Variants in PCDHA9 observed in about 807,000 individuals in gnomAD.
The protein encoded by PCDHA9 is protocadherin alpha-9.
A neutral mutation model predicts 62.0 loss-of-function variants in PCDHA9; 62 were observed. The ratio of observed to expected loss-of-function variants is 1.00; its 90% CI spans 0.81 to 1.23. PCDHA9 has a LOEUF of 1.23. PCDHA9 is among the 50% of genes most tolerant of loss of function. The pLI is 0.00. For synonymous variants in PCDHA9, 557 were observed against 567.6 expected (o/e 0.98, Z 0.27); for missense variants, 1,205 against 1,249.8 (o/e 0.96, Z 0.54).
At chr5:140,883,959 C>T (rs782366148) in intron 1 of PCDHA9, 4 of 1,613,092 alleles carry the variant, frequency 2.5e-6, no homozygotes, top group Admixed American at 3.3e-5. Context: ...AACGCTCCGG[C>T]GCTGCTGACG....
At chr5:140,937,911 CAAA>C (rs200797202) in intron 1 of PCDHA9, among the ~76,000 whole-genome samples, 2 of 117,898 alleles carry the variant, frequency 1.7e-5, no homozygotes, top group Non-Finnish European at 1.9e-5. Context: ...GACTCCGTCT[CAAA>C]AAAAAAAAAA....
At chr5:140,925,420 G>C (rs1332055982) in intron 1 of PCDHA9, among the ~76,000 whole-genome samples, 2 of 152,102 alleles carry the variant, frequency 1.3e-5, no homozygotes, top group Non-Finnish European at 2.9e-5. Flanking sequence ...AAAGGAACTG[G>C]TTGTAGGGTG....
intron 1 of PCDHA9, among the ~76,000 whole-genome samples, chr5:140,934,422 A>G (rs2089824417): frequency 1.3e-5 from 2 of 152,176 alleles, no homozygotes; most frequent in South Asian, 2.1e-4. Flanking sequence ...TGCATTATCA[A>G]TGCAAGTGTA....
chr5:140,929,554 C>G (rs899446101), intron 1 of PCDHA9: 17 of 488,414 alleles, frequency 3.5e-5, no homozygotes, highest in Non-Finnish European at 5.5e-5. Flanking sequence ...AAAATTAAAA[C>G]CTATTTAAGA....
At chr5:140,881,594 A>G (rs1464236535) in intron 1 of PCDHA9, among the ~76,000 whole-genome samples, 7 of 152,244 alleles carry the variant, frequency 4.6e-5, no homozygotes, top group Admixed American at 6.5e-5. Context: ...AGGGAAATTT[A>G]TTAATATGAT....
At chr5:140,909,951 G>A (rs560555991) in intron 1 of PCDHA9, among the ~76,000 whole-genome samples, 401 of 152,302 alleles carry the variant, frequency 2.6e-3, no homozygotes, top group African/African-American at 8.3e-3. Context: ...GTAAAAAGCC[G>A]TAGGTCTCCA....
At chr5:140,934,930 C>G (rs1467115569) in intron 1 of PCDHA9, among the ~76,000 whole-genome samples, 2 of 152,102 alleles carry the variant, frequency 1.3e-5, no homozygotes, top group Non-Finnish European at 2.9e-5. Context: ...CATAAAGTTA[C>G]AAAACTAGTA....
chr5:140,891,885 C>T (rs546305739), intron 1 of PCDHA9, among the ~76,000 whole-genome samples: 22 of 152,288 alleles, frequency 1.4e-4, no homozygotes, highest in African/African-American at 2.2e-4. Context: ...TGTCATGTGA[C>T]GATGCAGCAA....
intron 1 of PCDHA9, chr5:140,868,276 C>T (rs2050375719): frequency 6.6e-6 from 1 of 151,768 alleles, no homozygotes; most frequent in African/African-American, 2.4e-5. Flanking sequence ...TTTAAAACTA[C>T]CAAGTTTGAG....
At chr5:140,885,864 GA>G (rs1267536827) in intron 1 of PCDHA9, among the ~76,000 whole-genome samples, 5 of 151,842 alleles carry the variant, frequency 3.3e-5, no homozygotes, top group African/African-American at 4.8e-5. Context: ...CTTTTCTATT[GA>G]AAAAAAATTT....
At chr5:140,999,494 C>G (rs2097859711) in intron 3 of PCDHA9, among the ~76,000 whole-genome samples, 1 of 152,064 alleles carries the variant, frequency 6.6e-6, no homozygotes, top group Non-Finnish European at 1.5e-5. Context: ...CTATGTTACC[C>G]AAGAACCTAC....
At chr5:140,952,513 A>T (rs533436826) in intron 1 of PCDHA9, among the ~76,000 whole-genome samples, 7 of 152,028 alleles carry the variant, frequency 4.6e-5, no homozygotes, top group Non-Finnish European at 8.8e-5. Context: ...CCTCATCTCC[A>T]TCTGAGACCT....
chr5:140,966,470 T>C, intron 1 of PCDHA9: 1 of 431,298 alleles, frequency 2.3e-6, no homozygotes, highest in Non-Finnish European at 4.0e-6. Context: ...TCTTCCCTTC[T>C]GTTTCCTTTT....
chr5:140,875,530 C>T lies in PCDHA9; in HGVS notation c.2394+24641C>T, dbSNP rs782004877. On this transcript the variant is annotated intron_variant, in intron 1 of 3. Transcript: ENST00000532602. Reference sequence around the variant, plus strand: ...CCAGCGTCTGCTGCTCTCGCTTCTGCTCCTTGCAGCCTGGGAGGTGGGGAG... The same window carrying T: ...CCAGCGTCTGCTGCTCTCGCTTCTGTTCCTTGCAGCCTGGGAGGTGGGGAG... 9 of 1,614,004 alleles carry T rather than the reference C, an allele frequency of 5.6e-6. No individual in the cohort carries two copies. The South Asian group carries it at 8.8e-5, about 16-fold the overall frequency.
intron 1 of PCDHA9, among the ~76,000 whole-genome samples, chr5:140,873,896 G>T (rs111760299): frequency 6.6e-6 from 1 of 152,112 alleles, no homozygotes; most frequent in African/African-American, 2.4e-5. Context: ...CCTGACCTCA[G>T]GTGATCTGCC....
chr5:141,006,383 T>C (rs1431976303), intron 3 of PCDHA9, among the ~76,000 whole-genome samples: 1 of 151,992 alleles, frequency 6.6e-6, no homozygotes, highest in African/African-American at 2.4e-5. Context: ...GGCTAAGTTT[T>C]TTCTATTTTT....
intron 1 of PCDHA9, among the ~76,000 whole-genome samples, chr5:140,975,369 T>G (rs2096664514): frequency 6.6e-6 from 1 of 152,230 alleles, no homozygotes; most frequent in Admixed American, 6.5e-5. Flanking sequence ...CATAGCATAA[T>G]GTAATCATGG....
intron 1 of PCDHA9, chr5:140,969,442 T>C (rs1554231813): frequency 1.3e-6 from 2 of 1,543,712 alleles, no homozygotes; most frequent in Admixed American, 4.0e-5. Flanking sequence ...AGTTATCTGG[T>C]AAACTGAGTA....
At chr5:140,929,972 G>A (rs2086500191) in intron 1 of PCDHA9, 1 of 152,084 alleles carries the variant, frequency 6.6e-6, no homozygotes, top group South Asian at 2.1e-4. Flanking sequence ...TTTTGGTGAA[G>A]GTGTCTTCTT....
Sources: allele counts gnomAD v4.1 joint callset (sites outside exome capture counted in the v4.1 genomes callset), GRCh38; gene constraint gnomAD v4.1.1; transcripts MANE v1.5; gene names NCBI Gene and HGNC (gene_info 2026-07-23, HGNC 2026-07-21).